Variants in NUP98 observed in about 807,000 individuals in gnomAD.
The protein encoded by NUP98 is nuclear pore complex protein Nup98-Nup96.
NUP98 carries 26 observed loss-of-function variants against 191.9 expected under a neutral mutation model. The ratio of observed to expected loss-of-function variants is 0.14; its 90% confidence interval spans 0.10 to 0.19. NUP98 has a LOEUF of 0.19. NUP98 is among the 10% of genes least tolerant of loss of function. The probability of loss-of-function intolerance (pLI) is 1.00; values close to 1 mark genes in which losing one functional copy is unlikely to be tolerated. For synonymous variants in NUP98, 808 were observed against 778.4 expected (o/e 1.04, Z -0.63); for missense variants, 1,941 against 2,178.8 (o/e 0.89, Z 2.17).
At chr11:3,717,535 C>T (rs2079229775) in intron 18 of NUP98, among the ~76,000 whole-genome samples, 1 of 152,084 alleles carries the variant, frequency 6.6e-6, no homozygotes, top group Non-Finnish European at 1.5e-5. Flanking sequence ...GATTCTGTAT[C>T]CTGTAACTTT....
At chr11:3,741,249 C>CA (rs2080277544) in intron 12 of NUP98, among the ~76,000 whole-genome samples, 1 of 151,610 alleles carries the variant, frequency 6.6e-6, no homozygotes, top group South Asian at 2.1e-4. Context: ...GAGTTTTAAG[C>CA]AAAAAAACTG....
chr11:3,793,562 G>C (rs1589994256), intron 1 of NUP98, among the ~76,000 whole-genome samples: 1 of 151,846 alleles, frequency 6.6e-6, no homozygotes, highest in Non-Finnish European at 1.5e-5. Flanking sequence ...CTGGATTACA[G>C]GTGTGAGCCA....
At chr11:3,745,628 T>C (rs1436997945) in intron 11 of NUP98, among the ~76,000 whole-genome samples, 3 of 152,042 alleles carry the variant, frequency 2.0e-5, no homozygotes, top group East Asian at 3.9e-4. Context: ...TAAAGTTCCA[T>C]TAAAAAAAGA....
At chr11:3,730,348 A>C (rs555216605) in intron 14 of NUP98, among the ~76,000 whole-genome samples, 1 of 152,068 alleles carries the variant, frequency 6.6e-6, no homozygotes, top group Non-Finnish European at 1.5e-5. Context: ...TCTTTGGTGA[A>C]GCAGTTACAT....
At chr11:3,780,664 C>T (rs910745741) in intron 2 of NUP98, among the ~76,000 whole-genome samples, 1 of 151,928 alleles carries the variant, frequency 6.6e-6, no homozygotes, top group Admixed American at 6.6e-5. Context: ...AGCCCAGTGC[C>T]GTGGCTTATG....
intron 12 of NUP98, among the ~76,000 whole-genome samples, chr11:3,738,776 CAAAAAAA>C (rs58460963): frequency 3.0e-5 from 2 of 67,242 alleles, no homozygotes; most frequent in African/African-American, 1.2e-4. Flanking sequence ...AGACTCCTCT[CAAAAAAA>C]AAAAAAAAAA....
chr11:3,760,718 T>C, intron 9 of NUP98, 92 bp from the exon 10 acceptor site: 1 of 973,664 alleles, frequency 1.0e-6, no homozygotes, highest in Non-Finnish European at 1.5e-6. Flanking sequence ...GGGTTGGGTA[T>C]GGGGTGGGAG....
intron 10 of NUP98, among the ~76,000 whole-genome samples, chr11:3,754,273 A>G (rs1396943249): frequency 1.3e-5 from 2 of 152,182 alleles, no homozygotes; most frequent in Non-Finnish European, 2.9e-5. Flanking sequence ...CAAAATATAC[A>G]AAATTAGCCG....
In NUP98 at chr11:3,676,658, G is replaced by T; in HGVS notation, c.5074-38C>A. On this transcript the variant is annotated intron_variant, in intron 31 of 32. Coordinates refer to ENST00000324932, the MANE Select transcript of NUP98 (RefSeq NM_016320.5). ...AGAGAAGCCAATTAATCCAAGGGGA[G>T]TTCCTATCACTCCAATCCCACCTAT... 2.7e-6 allele frequency: 4 copies of T among 1,470,608 alleles called. No individual in the cohort carries two copies. The South Asian group carries it at 3.4e-5, about 12-fold the overall frequency. The allele number at this position is 1,470,608 out of a possible 1,614,324, so 91.1% of individuals were successfully genotyped here. A position where few individuals can be genotyped will look rare whatever the true frequency, so the allele number is the denominator to read the frequency against.
In NUP98 at chr11:3,723,483, G is replaced by A. The variant is rs370985725; in HGVS notation, c.1848-28C>T. 28 of 1,586,944 alleles carry A rather than the reference G, an allele frequency of 1.8e-5. No homozygotes were observed. In the African/African-American group the frequency reaches 3.4e-4, roughly 19 times the overall value. On this transcript the variant is annotated intron_variant, in intron 15 of 32. Transcript: ENST00000324932. ...GCAAAGGAAAAGAAATAATACCTTA[G>A]CCTCTTGTAGTAGTAATAACAATGA...
chr11:3,766,019 T>C (rs956695148), intron 8 of NUP98, among the ~76,000 whole-genome samples: 12 of 152,112 alleles, frequency 7.9e-5, no homozygotes, highest in African/African-American at 2.9e-4. Flanking sequence ...TTCTATTCAA[T>C]TGGTCTATGT....
chr11:3,694,717 G>T (rs369881596), intron 26 of NUP98, among the ~76,000 whole-genome samples: 1 of 151,146 alleles, frequency 6.6e-6, no homozygotes, highest in South Asian at 2.1e-4. Flanking sequence ...TCCAACCTGG[G>T]CAACAGAGCG....
rs117764384 is a variant in NUP98 at position 3,791,010 on chromosome 11, G to C, written c.-29+6390C>G. 5.0e-3 allele frequency among the ~76,000 whole-genome samples: 760 copies of C among 151,498 alleles called. 17 individuals carry two copies. In the South Asian group the frequency reaches 0.059, roughly 12 times the overall value. ...TCCCAGGTTCACGACATTCTCCTGC[G>C]TCAGCCTTCCGAGTAACTGGGATTA... On this transcript the variant is annotated intron_variant, in intron 1 of 32. Transcript: ENST00000324932.
intron 9 of NUP98, among the ~76,000 whole-genome samples, chr11:3,761,293 T>C (rs771416061): frequency 1.3e-5 from 2 of 152,176 alleles, no homozygotes; most frequent in African/African-American, 4.8e-5. Context: ...AGAGACAAAT[T>C]GTATGGCATG....
At chr11:3,785,154 TAA>T (rs369808746) in intron 1 of NUP98, among the ~76,000 whole-genome samples, 15 of 123,346 alleles carry the variant, frequency 1.2e-4, no homozygotes, top group Non-Finnish European at 3.5e-5. Flanking sequence ...TATAAATGAA[TAA>T]AAAAAAAAAA....
chr11:3,752,556 G>T (rs1039123970), intron 11 of NUP98, among the ~76,000 whole-genome samples: 4 of 147,472 alleles, frequency 2.7e-5, no homozygotes, highest in African/African-American at 1.0e-4. Flanking sequence ...TAAAAAAGAA[G>T]GAAATGACAG....
chr11:3,786,491 A>G (rs2082144924), intron 1 of NUP98, among the ~76,000 whole-genome samples: 1 of 152,216 alleles, frequency 6.6e-6, no homozygotes, highest in African/African-American at 2.4e-5. Context: ...ATTTAAAAAG[A>G]AAAATGAAAT....
At chr11:3,793,218 G>A (rs937707310) in intron 1 of NUP98, among the ~76,000 whole-genome samples, 3 of 152,184 alleles carry the variant, frequency 2.0e-5, no homozygotes, top group Non-Finnish European at 4.4e-5. Flanking sequence ...GTATCTGTAT[G>A]AGGCTAGATT....
chr11:3,792,394 G>C (rs1028250685), intron 1 of NUP98, among the ~76,000 whole-genome samples: 7 of 152,144 alleles, frequency 4.6e-5, no homozygotes, highest in African/African-American at 1.7e-4. Context: ...AAGATCACTT[G>C]ATGTCAGGAG....
Sources: gnomAD v4.1 joint callset for allele counts (sites outside exome capture counted in the v4.1 genomes callset) on GRCh38, gnomAD v4.1.1 for gene constraint, MANE v1.5 for transcripts, NCBI Gene and HGNC (gene_info 2026-07-23, HGNC 2026-07-21) for gene names.